The following RARB variants were observed in gnomAD, a reference collection of about 807,000 sequenced individuals.
RARB encodes the protein retinoic acid receptor beta, also known as HBV-activated protein.
RARB carries 17 observed loss-of-function variants against 51.9 expected under a neutral mutation model. The observed-to-expected ratio is 0.33, with a 90% confidence interval of 0.22 to 0.49. RARB has a LOEUF of 0.49. Among genes scored for constraint, RARB ranks in the 20% least tolerant of loss-of-function variants. The probability of loss-of-function intolerance (pLI) is 0.99; values close to 1 mark genes in which losing one functional copy is unlikely to be tolerated. For synonymous variants in RARB, 215 were observed against 195.4 expected (o/e 1.10, Z -0.84); for missense variants, 369 against 550.8 (o/e 0.67, Z 3.30).
intron 5 of RARB, among the ~76,000 whole-genome samples, chr3:25,344,235 A>T (rs778961802): frequency 2.6e-5 from 4 of 152,184 alleles, no homozygotes; most frequent in Admixed American, 6.5e-5. Context: ...GAGTTATTTC[A>T]AGAAGATAGT....
At chr3:25,567,607 A>G (rs1700552324) in intron 3 of RARB, among the ~76,000 whole-genome samples, 1 of 152,158 alleles carries the variant, frequency 6.6e-6, no homozygotes. Flanking sequence ...TGTCATGAAC[A>G]TTCATGGACA....
In RARB at chr3:25,016,212, A is replaced by G. The variant is rs565591810; in HGVS notation, c.-379-43913A>G. 2.4e-4 allele frequency among the ~76,000 whole-genome samples: 37 copies of G among 152,314 alleles called. No individual in the cohort carries two copies. The Middle Eastern group carries it at 0.01, about 42-fold the overall frequency. ...GAGCACACTGTACTTATAAATTTCAATACAAAATAAATGAAGCATGATTGT... is the reference window on the plus strand; with the variant it reads ...GAGCACACTGTACTTATAAATTTCAGTACAAAATAAATGAAGCATGATTGT... On this transcript the variant is annotated intron_variant, in intron 2 of 11. Transcript: ENST00000383772.
At chr3:25,084,590 T>C (rs1254449816) in intron 3 of RARB, among the ~76,000 whole-genome samples, 2 of 152,108 alleles carry the variant, frequency 1.3e-5, no homozygotes, top group African/African-American at 4.8e-5. Context: ...TAGAAAATTA[T>C]TGGCATTTGG....
intron 1 of RARB, among the ~76,000 whole-genome samples, chr3:24,849,337 G>A (rs573761561): frequency 9.2e-5 from 14 of 152,274 alleles, no homozygotes; most frequent in African/African-American, 1.9e-4. Flanking sequence ...TGTATATGCC[G>A]CGTGTGTTCA....
intron 5 of RARB, among the ~76,000 whole-genome samples, chr3:25,254,133 C>T (rs984268982): frequency 1.3e-5 from 2 of 152,108 alleles, no homozygotes; most frequent in Admixed American, 6.6e-5. Flanking sequence ...AATGTCAACC[C>T]TTTCAATTGC....
intron 2 of RARB, among the ~76,000 whole-genome samples, chr3:24,927,194 C>T (rs1362547188): frequency 2.6e-5 from 4 of 152,012 alleles, no homozygotes; most frequent in East Asian, 1.9e-4. Context: ...CAGTAAAACT[C>T]GTAGATTTGC....
chr3:25,257,131 A>G (rs1308046979), intron 5 of RARB, among the ~76,000 whole-genome samples: 2 of 152,152 alleles, frequency 1.3e-5, no homozygotes, highest in South Asian at 2.1e-4. Flanking sequence ...CCAGCAACAC[A>G]TATGATGGTT....
At chr3:25,570,307 T>C (rs952065874) in intron 4 of RARB, among the ~76,000 whole-genome samples, 5 of 152,228 alleles carry the variant, frequency 3.3e-5, no homozygotes, top group African/African-American at 1.2e-4. Context: ...ACATGGGTCA[T>C]GACGGACCTC....
chr3:25,267,558 T>C (rs1575271441), intron 5 of RARB, among the ~76,000 whole-genome samples: 2 of 152,356 alleles, frequency 1.3e-5, no homozygotes, highest in African/African-American at 4.8e-5. Context: ...CCTCTTGTTT[T>C]TAGAATAACT....
At chr3:25,286,771 T>C (rs1402577220) in intron 5 of RARB, among the ~76,000 whole-genome samples, 2 of 152,228 alleles carry the variant, frequency 1.3e-5, no homozygotes, top group Non-Finnish European at 2.9e-5. Flanking sequence ...TACAACAACC[T>C]TGCGAGGTTG....
chr3:24,869,087 T>C (rs1342024961), intron 2 of RARB, among the ~76,000 whole-genome samples: 1 of 152,130 alleles, frequency 6.6e-6, no homozygotes, highest in African/African-American at 2.4e-5. Context: ...CTTCATGTTA[T>C]CTCTCTCTCA....
rs1320769403 is a variant in RARB, at chr3:25,456,678, TATATAGAGAG to T, written c.158-4513_158-4504del. 1.3e-3 allele frequency among the ~76,000 whole-genome samples: 144 copies of T among 110,270 alleles called. 1 individual carries two copies. The highest frequency in any genetic ancestry group is 4.8e-3 in the African/African-American group (130 of 27,060). The allele number at this position is 110,270 out of a possible 152,430, so 72.3% of individuals were successfully genotyped here. ...ATATTTGAATATATATATATATATA[TATATAGAGAG>T]AGAGAGAGAGAGAGAGAGAGAGAGA... On this transcript the variant is annotated intron_variant, in intron 1 of 7. Transcript: ENST00000330688.
Position 25,501,285 on chromosome 3 carries a change from G to A in RARB, c.410G>A (p.Arg137Gln), listed in dbSNP as rs1387195672. 1.2e-6 allele frequency: 2 copies of A among 1,609,172 alleles called. No individual in the cohort carries two copies. Among genetic ancestry groups the A allele is most frequent in the Admixed American group, 1.7e-5 (1 of 58,804 alleles). The change falls in exon 3 of 8, where the codon CGA becomes CAA. Residue 137 changes from arginine (R) to glutamine (Q), a missense_variant. Arg to Gln is a conservative substitution (Grantham distance 43, BLOSUM62 1). Coordinates refer to ENST00000330688, the MANE Select transcript of RARB (RefSeq NM_000965.5). The stretch of plus-strand genomic sequence containing the variant: ...ACCAGGAATCGATGCCAATACTGTC[G>A]ACTCCAGAAGTGCTTTGAAGTGGGA... ...KVTRNRCQYC[R>Q]LQKCFEVGMS...
At chr3:25,552,870 G>T (rs1335521926) in intron 3 of RARB, among the ~76,000 whole-genome samples, 1 of 152,144 alleles carries the variant, frequency 6.6e-6, no homozygotes, top group African/African-American at 2.4e-5. Flanking sequence ...AATGGGGGCT[G>T]TTACATCATG....
intron 2 of RARB, among the ~76,000 whole-genome samples, chr3:24,960,148 T>G (rs997069758): frequency 1.3e-5 from 2 of 152,228 alleles, no homozygotes; most frequent in East Asian, 1.9e-4. Flanking sequence ...TACCTCCTGA[T>G]AGTTATAATG....
chr3:24,875,405 G>C (rs761790015), intron 2 of RARB, among the ~76,000 whole-genome samples: 6 of 152,096 alleles, frequency 3.9e-5, no homozygotes, highest in Non-Finnish European at 7.4e-5. Context: ...CTGGCAACTT[G>C]TGATCTTGGG....
intron 5 of RARB, among the ~76,000 whole-genome samples, chr3:25,185,485 C>T (rs769582235): frequency 5.9e-5 from 9 of 152,162 alleles, no homozygotes; most frequent in Non-Finnish European, 1.0e-4. Context: ...AATTGCTTAA[C>T]GGTTGTGAAA....
rs536752831 is a variant in RARB, at chr3:24,862,451, C to G, written c.-380+3699C>G. 7.2e-5 allele frequency among the ~76,000 whole-genome samples: 11 copies of G among 152,244 alleles called. No individual in the cohort carries two copies. The East Asian group carries it at 2.1e-3, about 29-fold the overall frequency. ...CACAGTTCTGGTTACCCATAGTTAA[C>G]AGGTCTGAAAATATAAGATTGGAAA... is the stretch of plus-strand genomic sequence containing the variant. On this transcript the variant is annotated intron_variant, in intron 2 of 11. Transcript: ENST00000383772.
At chr3:25,404,977 A>G (rs140300464) in intron 5 of RARB, among the ~76,000 whole-genome samples, 1 of 152,234 alleles carries the variant, frequency 6.6e-6, no homozygotes, top group Admixed American at 6.5e-5. Context: ...AATTTATTAT[A>G]TGGGGACCTG....
Sources: allele counts gnomAD v4.1 joint callset (sites outside exome capture counted in the v4.1 genomes callset), GRCh38; gene constraint gnomAD v4.1.1; transcripts MANE v1.5; gene names NCBI Gene and HGNC (gene_info 2026-07-23, HGNC 2026-07-21).